The following SAMHD1 variants were observed in gnomAD, a reference collection of about 807,000 sequenced individuals.
SAMHD1 encodes the protein deoxynucleoside triphosphate triphosphohydrolase SAMHD1.
A neutral mutation model predicts 79.6 loss-of-function variants in SAMHD1; 54 were observed. That is an observed-to-expected ratio of 0.68 (90% CI 0.55 to 0.85). The LOEUF (loss-of-function observed/expected upper bound fraction) is 0.85. Ranked by LOEUF, SAMHD1 falls within the 40% of genes least tolerant of loss-of-function variation. The pLI, the probability that SAMHD1 is intolerant of heterozygous loss-of-function variation, is 0.00. For missense variants in SAMHD1, 663 were observed against 782.7 expected, an observed-to-expected ratio of 0.85 and a Z score of 1.82; for synonymous variants, 260 against 264.1, an observed-to-expected ratio of 0.98 and a Z score of 0.15.
chr20:36,929,345 C>T (rs2063554813), intron 5 of SAMHD1, among the ~76,000 whole-genome samples: 1 of 152,078 alleles, frequency 6.6e-6, no homozygotes, highest in Non-Finnish European at 1.5e-5. Flanking sequence ...CATGCACCTC[C>T]CTTCCCCTGC....
intron 2 of SAMHD1, among the ~76,000 whole-genome samples, chr20:36,945,618 T>G (rs6030347): frequency 2.6e-5 from 4 of 152,122 alleles, no homozygotes; most frequent in Admixed American, 2.6e-4. Context: ...CGGTGGCTTA[T>G]GCCTGTAATC....
intron 3 of SAMHD1, among the ~76,000 whole-genome samples, chr20:36,935,789 G>A (rs1354714577): frequency 2.0e-5 from 3 of 151,962 alleles, no homozygotes; most frequent in East Asian, 1.9e-4. Context: ...CAGGCTGGCC[G>A]CGAACTCCTG....
chr20:36,943,495 G>C (rs866521378), intron 2 of SAMHD1, among the ~76,000 whole-genome samples: 3 of 152,114 alleles, frequency 2.0e-5, no homozygotes, highest in Admixed American at 1.3e-4. Context: ...GCACAGAGAC[G>C]TGCAATATAG....
chr20:36,909,499 T>C (rs553869699), intron 11 of SAMHD1, among the ~76,000 whole-genome samples: 1 of 151,494 alleles, frequency 6.6e-6, no homozygotes, highest in South Asian at 2.1e-4. Context: ...TGAAACCCCG[T>C]CTCTAGTAAA....
At chr20:36,900,711 T>C (rs1328876648) in intron 13 of SAMHD1, among the ~76,000 whole-genome samples, 1 of 151,468 alleles carries the variant, frequency 6.6e-6, no homozygotes, top group Non-Finnish European at 1.5e-5. Flanking sequence ...GGATGACAGG[T>C]GTGTGCCATC....
Position 36,934,958 on chromosome 20 carries a change from T to A in SAMHD1, c.509+71A>T, listed in dbSNP as rs547781881. 228 of 1,522,834 alleles carry A rather than the reference T, an allele frequency of 1.5e-4. 1 individual carries two copies. The South Asian group carries it at 2.4e-3, about 16-fold the overall frequency. The allele number at this position is 1,522,834 out of a possible 1,614,324, so 94.3% of individuals were successfully genotyped here. ...TAGGTGTGAGCCACCATGCCTGGCC[T>A]AAGATAACTATTTCATGAGACAGAG... On this transcript the variant is annotated intron_variant, in intron 4 of 15. Transcript: ENST00000646673.
chr20:36,948,058 C>G (rs2063706276), intron 1 of SAMHD1, among the ~76,000 whole-genome samples: 8 of 152,056 alleles, frequency 5.3e-5, no homozygotes, highest in Admixed American at 5.2e-4. Context: ...AAATCTAGCT[C>G]TTTTTTGTAG....
Position 36,894,667 on chromosome 20 carries a change from G to A in SAMHD1, c.1747-1601C>T, listed in dbSNP as rs542446388. On this transcript the variant is annotated intron_variant, in intron 15 of 15. Transcript: ENST00000646673. ...CTGTAGTCCCAGCTACTCAGGAGGC[G>A]GAGGCAGGAGAATCACTTCAACCCG... Among the ~76,000 whole-genome samples the A allele has an allele frequency of 3.8e-4, 57 of 151,540 alleles. No individual in the cohort carries two copies. The Middle Eastern group carries it at 0.01, about 27-fold the overall frequency.
At chr20:36,923,989 C>T (rs2063521616) in intron 6 of SAMHD1, among the ~76,000 whole-genome samples, 1 of 152,054 alleles carries the variant, frequency 6.6e-6, no homozygotes, top group Admixed American at 6.6e-5. Flanking sequence ...GTGGCTTAGG[C>T]CTGTAATCTC....
At chr20:36,918,801 C>CAAAAAAAAA (rs60403097) in intron 7 of SAMHD1, among the ~76,000 whole-genome samples, 4 of 65,454 alleles carry the variant, frequency 6.1e-5, no homozygotes, top group Admixed American at 2.2e-4. Context: ...GACTCTATCT[C>CAAAAAAAAA]AAAAAAAAAA....
chr20:36,932,422 T>A (rs2063573563), intron 4 of SAMHD1, among the ~76,000 whole-genome samples: 1 of 140,454 alleles, frequency 7.1e-6, no homozygotes, highest in Non-Finnish European at 1.5e-5. Flanking sequence ...GGGGGAGACA[T>A]GAAGAGTTGT....
At chr20:36,927,085 T>A in intron 6 of SAMHD1, 97 bp downstream of exon 6, 1 of 1,084,490 alleles carries the variant, frequency 9.2e-7, no homozygotes, top group Non-Finnish European at 1.4e-6. Context: ...GGGGAAGTAT[T>A]TTATAACACA....
chr20:36,936,886 A>T (rs2063607365), intron 3 of SAMHD1, among the ~76,000 whole-genome samples: 1 of 152,002 alleles, frequency 6.6e-6, no homozygotes, highest in Admixed American at 6.6e-5. Flanking sequence ...CATGCTTGTA[A>T]TGCCAGCACT....
At chr20:36,941,488 A>G (rs961737937) in intron 2 of SAMHD1, among the ~76,000 whole-genome samples, 13 of 152,160 alleles carry the variant, frequency 8.5e-5, no homozygotes, top group African/African-American at 3.1e-4. Context: ...ACCAGGTATG[A>G]CTCAAGCATG....
chr20:36,937,422 A>G (rs982525866), intron 3 of SAMHD1, among the ~76,000 whole-genome samples: 1 of 152,224 alleles, frequency 6.6e-6, no homozygotes, highest in Non-Finnish European at 1.5e-5. Flanking sequence ...GAACACCATC[A>G]AAAAAGTAAA....
chr20:36,928,472 G>A (rs987858091), intron 5 of SAMHD1, among the ~76,000 whole-genome samples: 10 of 151,732 alleles, frequency 6.6e-5, no homozygotes, highest in Non-Finnish European at 1.5e-4. Flanking sequence ...AGATCACGAG[G>A]TCAGGAGTTC....
intron 15 of SAMHD1, among the ~76,000 whole-genome samples, chr20:36,896,381 G>C: frequency 6.6e-6 from 1 of 152,132 alleles, no homozygotes; most frequent in East Asian, 1.9e-4. Context: ...ACTCTAGTTG[G>C]AGATGACACA....
intron 15 of SAMHD1, among the ~76,000 whole-genome samples, chr20:36,895,199 T>A (rs1990175861): frequency 6.6e-6 from 1 of 151,976 alleles, no homozygotes; most frequent in Non-Finnish European, 1.5e-5. Context: ...ACCTCCACAC[T>A]CTATGCTCCT....
intron 3 of SAMHD1, among the ~76,000 whole-genome samples, chr20:36,939,253 C>CAAAAA (rs57018620): frequency 4.1e-4 from 15 of 36,640 alleles, no homozygotes; most frequent in Non-Finnish European, 5.7e-4. Flanking sequence ...GACTCCCTCT[C>CAAAAA]AAAAAAAAAA....
Sources: allele counts gnomAD v4.1 joint callset (sites outside exome capture counted in the v4.1 genomes callset), GRCh38; gene constraint gnomAD v4.1.1; transcripts MANE v1.5; gene names NCBI Gene and HGNC (gene_info 2026-07-23, HGNC 2026-07-21).